CHRM3: variants seen among roughly 807,000 people sequenced by gnomAD.
CHRM3 encodes muscarinic acetylcholine receptor M3.
A neutral mutation model predicts 41.8 loss-of-function variants in CHRM3; 11 were observed. The observed-to-expected ratio is 0.26, with a 90% confidence interval of 0.17 to 0.44. The LOEUF (loss-of-function observed/expected upper bound fraction) is 0.44. CHRM3 is among the 20% of genes least tolerant of loss of function. The pLI, the probability that CHRM3 is intolerant of heterozygous loss-of-function variation, is 1.00. For missense variants in CHRM3, 571 were observed against 745.4 expected (o/e 0.77, Z 2.72); for synonymous variants, 297 against 301.4 (o/e 0.99, Z 0.15).
At chr1:239,449,099 A>C (rs184322187) in intron 1 of CHRM3, among the ~76,000 whole-genome samples, 1 of 152,304 alleles carries the variant, frequency 6.6e-6, no homozygotes, top group Admixed American at 6.5e-5. Context: ...ATGATGGGTG[A>C]GTGTAATATA....
intron 5 of CHRM3, among the ~76,000 whole-genome samples, chr1:239,816,044 A>G (rs946842498): frequency 6.6e-5 from 10 of 152,102 alleles, no homozygotes; most frequent in Middle Eastern, 3.4e-3. Context: ...CTGGGGGGGA[A>G]AAAAGAACAG....
Position 239,914,775 on chromosome 1 carries a change from A to T in CHRM3, c.*5551A>T, listed in dbSNP as rs1395315832. 6.0e-6 allele frequency: 1 copy of T among 166,986 alleles called. No homozygotes were observed. The highest frequency in any genetic ancestry group is 1.5e-5 in the Non-Finnish European group (1 of 68,118). The allele number at this position is 166,986 out of a possible 1,614,324, so 10.3% of individuals were successfully genotyped here. ...TGAAGATCTGTAGTTTGGCTTAAAA[A>T]TCCTTGCATGTAGTTTTGCTTGGCG... On this transcript the variant is annotated 3_prime_UTR_variant, in exon 7 of 7. Coordinates refer to ENST00000676153, the MANE Select transcript of CHRM3 (RefSeq NM_001375978.1).
intron 5 of CHRM3, among the ~76,000 whole-genome samples, chr1:239,787,160 A>G (rs1172117633): frequency 6.6e-6 from 1 of 152,220 alleles, no homozygotes; most frequent in Non-Finnish European, 1.5e-5. Context: ...AGGAAGGCCA[A>G]GTTGGAAAGG....
At chr1:239,443,339 A>G (rs1419044928) in intron 1 of CHRM3, among the ~76,000 whole-genome samples, 1 of 152,186 alleles carries the variant, frequency 6.6e-6, no homozygotes, top group Non-Finnish European at 1.5e-5. Flanking sequence ...AGAATTTCCT[A>G]TTCAAGTTTC....
At chr1:239,585,115 A>G (rs1231177200) in intron 3 of CHRM3, among the ~76,000 whole-genome samples, 1 of 151,402 alleles carries the variant, frequency 6.6e-6, no homozygotes. Flanking sequence ...ACATGTATAC[A>G]TATACATATA....
At chr1:239,586,805 T>A (rs1377481282) in intron 3 of CHRM3, among the ~76,000 whole-genome samples, 3 of 152,184 alleles carry the variant, frequency 2.0e-5, no homozygotes, top group Admixed American at 2.0e-4. Flanking sequence ...TACACCCAGT[T>A]CTAGGATTGA....
intron 1 of CHRM3, among the ~76,000 whole-genome samples, chr1:239,414,721 G>A (rs1006181123): frequency 2.0e-5 from 3 of 152,184 alleles, no homozygotes; most frequent in Non-Finnish European, 2.9e-5. Context: ...TATGCAAAGC[G>A]TGCTGGTCAG....
At chr1:239,605,074 T>C (rs188759618) in intron 3 of CHRM3, among the ~76,000 whole-genome samples, 1 of 152,328 alleles carries the variant, frequency 6.6e-6, no homozygotes, top group Admixed American at 6.5e-5. Context: ...GATTCAATAT[T>C]ATTTTTATGA....
rs565146181 is a variant in CHRM3, at chr1:239,748,486, A to C, written c.-147+70198A>C. Among the ~76,000 whole-genome samples, 1 of 152,356 alleles carries C rather than the reference A, an allele frequency of 6.6e-6. No individual in the cohort carries two copies. The highest frequency in any genetic ancestry group is 1.9e-4 in the East Asian group (1 of 5,186). Reference sequence around the variant, plus strand: ...TCTGTCCTTGACTCTTTCATTCCATAGAATTTTTAAATATGCAGTGTGTTT... The same window carrying C: ...TCTGTCCTTGACTCTTTCATTCCATCGAATTTTTAAATATGCAGTGTGTTT... On this transcript the variant is annotated intron_variant, in intron 5 of 6. Transcript: ENST00000676153. The surrounding 1 kb of genome is among the most constrained non-coding windows in gnomAD (Gnocchi z 4.3).
chr1:239,677,995 C>T (rs1023910048), intron 4 of CHRM3, among the ~76,000 whole-genome samples, 191 bp from the exon 5 acceptor site: 8 of 152,140 alleles, frequency 5.3e-5, no homozygotes, highest in African/African-American at 9.7e-5. Context: ...GCGCCCTCAG[C>T]GGGATACTAA....
At chr1:239,558,778 T>C (rs1401114766) in intron 3 of CHRM3, among the ~76,000 whole-genome samples, 3 of 152,226 alleles carry the variant, frequency 2.0e-5, no homozygotes, top group Non-Finnish European at 4.4e-5. Context: ...TTTTGCCTTA[T>C]GTAAGAATTA....
intron 4 of CHRM3, among the ~76,000 whole-genome samples, chr1:239,664,935 A>G (rs1412492669): frequency 6.6e-6 from 1 of 151,952 alleles, no homozygotes; most frequent in South Asian, 2.1e-4. Flanking sequence ...ATGTTCTCCT[A>G]GAGAACCTGT....
chr1:239,711,526 A>G lies in CHRM3; in HGVS notation c.-147+33238A>G, dbSNP rs142311531. Among the ~76,000 whole-genome samples, 30 of 152,134 alleles carry G rather than the reference A, an allele frequency of 2.0e-4. No individual in the cohort carries two copies. In the East Asian group the frequency reaches 4.1e-3, roughly 21 times the overall value. On this transcript the variant is annotated intron_variant, in intron 5 of 6. Coordinates refer to ENST00000676153, the MANE Select transcript of CHRM3 (RefSeq NM_001375978.1). ...AAGAAATAATAAATTATTGTTATTT[A>G]TAAATCATTAATAAGTTCATCAAGT...
chr1:239,818,848 A>G (rs998579636), intron 5 of CHRM3, among the ~76,000 whole-genome samples: 2 of 152,214 alleles, frequency 1.3e-5, no homozygotes, highest in Admixed American at 6.5e-5. Flanking sequence ...CCCTCCTAAC[A>G]GGGTTAAAGC....
chr1:239,471,708 A>T (rs1399181512), intron 1 of CHRM3, among the ~76,000 whole-genome samples: 2 of 152,164 alleles, frequency 1.3e-5, no homozygotes, highest in East Asian at 3.9e-4. Context: ...GCCTCAGAGG[A>T]AGAGACCTAG....
At chr1:239,642,091 G>T (rs1259297760) in intron 4 of CHRM3, among the ~76,000 whole-genome samples, 1 of 126,744 alleles carries the variant, frequency 7.9e-6, no homozygotes, top group Non-Finnish European at 1.7e-5. Flanking sequence ...TTGAATATTG[G>T]CCCCCACTCT....
chr1:239,527,775 T>C (rs759782169), intron 2 of CHRM3, among the ~76,000 whole-genome samples: 1 of 152,190 alleles, frequency 6.6e-6, no homozygotes, highest in Non-Finnish European at 1.5e-5. Context: ...AAAATAAAGA[T>C]AATCAAAGAA....
intron 4 of CHRM3, among the ~76,000 whole-genome samples, chr1:239,655,747 A>G (rs1321160410): frequency 1.3e-5 from 2 of 152,200 alleles, no homozygotes; most frequent in South Asian, 2.1e-4. Context: ...CCTCCCCTGT[A>G]TGGGCAGTCT....
chr1:239,686,859 GC>G (rs1381406853), intron 5 of CHRM3, among the ~76,000 whole-genome samples: 2 of 152,108 alleles, frequency 1.3e-5, no homozygotes, highest in South Asian at 2.1e-4. Flanking sequence ...GCTACTGACT[GC>G]CCCATTCACC....
Sources: allele counts gnomAD v4.1 joint callset (sites outside exome capture counted in the v4.1 genomes callset), GRCh38; gene constraint gnomAD v4.1.1; non-coding constraint Gnocchi (gnomAD v3.1); transcripts MANE v1.5; gene names NCBI Gene and HGNC (gene_info 2026-07-23, HGNC 2026-07-21).